The following PPARGC1A variants were observed in gnomAD, a reference collection of about 807,000 sequenced individuals.
The protein encoded by PPARGC1A is peroxisome proliferator-activated receptor gamma coactivator 1-alpha.
PPARGC1A carries 25 observed loss-of-function variants against 88.7 expected under a neutral mutation model. That is an observed-to-expected ratio of 0.28 (90% CI 0.21 to 0.39). PPARGC1A has a LOEUF of 0.39. Ranked by LOEUF, PPARGC1A falls within the 10% of genes least tolerant of loss-of-function variation. The pLI is 1.00. For missense variants in PPARGC1A, 880 were observed against 968.7 expected, an observed-to-expected ratio of 0.91 and a Z score of 1.22; for synonymous variants, 363 against 355.6, an observed-to-expected ratio of 1.02 and a Z score of -0.24.
At chr4:23,872,934 G>A (rs1254783906) in intron 2 of PPARGC1A, among the ~76,000 whole-genome samples, 1 of 152,092 alleles carries the variant, frequency 6.6e-6, no homozygotes, top group East Asian at 1.9e-4. Context: ...GCTCACACCT[G>A]TAATCCCGCA....
the PPARGC1A span, among the ~76,000 whole-genome samples, chr4:24,164,356 A>T: frequency 1.3e-5 from 2 of 152,286 alleles, no homozygotes; most frequent in South Asian, 4.1e-4. Context: ...AAGCAGCACA[A>T]ACACAGCAGC....
At chr4:24,423,759 C>T in the PPARGC1A span, among the ~76,000 whole-genome samples, 1 of 152,152 alleles carries the variant, frequency 6.6e-6, no homozygotes, top group East Asian at 1.9e-4. Context: ...CCAACTGAGG[C>T]TGTAAAAGCA....
chr4:23,827,429 G>GA (rs113493263), intron 5 of PPARGC1A, among the ~76,000 whole-genome samples: 22 of 142,010 alleles, frequency 1.5e-4, no homozygotes, highest in South Asian at 6.7e-4. Context: ...AAATGAAAGT[G>GA]AAAAAAAAAA....
At chr4:24,017,472 T>C in the PPARGC1A span, among the ~76,000 whole-genome samples, 51 of 151,854 alleles carry the variant, frequency 3.4e-4, no homozygotes, top group Non-Finnish European at 1.5e-5. Flanking sequence ...TTGTACATAA[T>C]AGTGTACACC....
the PPARGC1A span, among the ~76,000 whole-genome samples, chr4:24,131,490 C>T: frequency 2.0e-4 from 31 of 152,142 alleles, no homozygotes; most frequent in African/African-American, 5.3e-4. Flanking sequence ...AGTAACTACA[C>T]GGCAAGATGG....
intron 5 of PPARGC1A, among the ~76,000 whole-genome samples, chr4:23,826,680 C>G (rs1326930338): frequency 6.6e-6 from 1 of 152,092 alleles, no homozygotes; most frequent in Non-Finnish European, 1.5e-5. Flanking sequence ...AGCCATGTTT[C>G]ATTTCTTTTA....
At chr4:23,958,687 T>C in the PPARGC1A span, among the ~76,000 whole-genome samples, 6 of 152,204 alleles carry the variant, frequency 3.9e-5, 1 homozygote, top group African/African-American at 1.2e-4. Context: ...AAATATCTAA[T>C]GTAAAATATT....
rs1019906922 is a variant in PPARGC1A at position 23,844,903 on chromosome 4, G to C, written c.235-13152C>G. Reference sequence around the variant, plus strand: ...ACACACACACACATACATACAGAAAGAGAAAAAAAGAGGTAGCATTTGGAG... The same window carrying C: ...ACACACACACACATACATACAGAAACAGAAAAAAAGAGGTAGCATTTGGAG... On this transcript the variant is annotated intron_variant, in intron 2 of 12. Transcript: ENST00000264867. 4.8e-4 allele frequency among the ~76,000 whole-genome samples: 65 copies of C among 136,282 alleles called. 1 individual carries two copies. The highest frequency in any genetic ancestry group is 1.8e-3 in the African/African-American group (64 of 36,500). The allele number at this position is 136,282 out of a possible 152,430, so 89.4% of individuals were successfully genotyped here.
At chr4:24,083,846 C>G in the PPARGC1A span, among the ~76,000 whole-genome samples, 1 of 152,194 alleles carries the variant, frequency 6.6e-6, no homozygotes, top group Non-Finnish European at 1.5e-5. Context: ...AACTCAAGGG[C>G]AGCGTCTGCA....
the PPARGC1A span, among the ~76,000 whole-genome samples, chr4:24,229,843 C>A: frequency 3.5e-3 from 462 of 130,590 alleles, no homozygotes; most frequent in Non-Finnish European, 4.0e-3. Flanking sequence ...AAAACTGTCT[C>A]AAAAAAAAAA....
the PPARGC1A span, among the ~76,000 whole-genome samples, chr4:24,096,461 A>G: frequency 2.0e-5 from 3 of 152,310 alleles, no homozygotes; most frequent in Admixed American, 2.0e-4. Flanking sequence ...GAGACAATAC[A>G]TTTCTGTTGT....
At chr4:23,981,438 C>A in the PPARGC1A span, among the ~76,000 whole-genome samples, 1 of 152,082 alleles carries the variant, frequency 6.6e-6, no homozygotes, top group Non-Finnish European at 1.5e-5. Flanking sequence ...GATACAATTG[C>A]CATAGAGATC....
chr4:24,430,322 G>A, the PPARGC1A span, among the ~76,000 whole-genome samples: 1 of 141,440 alleles, frequency 7.1e-6, no homozygotes, highest in South Asian at 2.2e-4. Flanking sequence ...GCAGTGGCGC[G>A]ATCTCAGCTC....
chr4:24,161,650 C>A, the PPARGC1A span, among the ~76,000 whole-genome samples: 14 of 152,208 alleles, frequency 9.2e-5, no homozygotes, highest in Non-Finnish European at 1.8e-4. Context: ...GTTTTCATTT[C>A]ATTGAAGATA....
chr4:24,347,039 G>A, the PPARGC1A span, among the ~76,000 whole-genome samples: 1 of 152,078 alleles, frequency 6.6e-6, no homozygotes, highest in Non-Finnish European at 1.5e-5. Flanking sequence ...TCAGTCCAGA[G>A]TAGGTTATTT....
the PPARGC1A span, among the ~76,000 whole-genome samples, chr4:24,087,347 C>T: frequency 5.9e-5 from 9 of 152,276 alleles, no homozygotes; most frequent in East Asian, 1.5e-3. Flanking sequence ...CACCAGGCTC[C>T]GTGATACACC....
the PPARGC1A span, among the ~76,000 whole-genome samples, chr4:24,127,559 G>A: frequency 5.3e-5 from 8 of 151,996 alleles, no homozygotes; most frequent in East Asian, 5.8e-4. Context: ...ACGTGCGCGC[G>A]TGTGGATATA....
At chr4:24,187,531 C>T in the PPARGC1A span, among the ~76,000 whole-genome samples, 1 of 152,192 alleles carries the variant, frequency 6.6e-6, no homozygotes, top group African/African-American at 2.4e-5. Flanking sequence ...AACTGTTTAA[C>T]TTAACCTGGC....
At chr4:23,831,157 T>C (rs1724931751) in intron 3 of PPARGC1A, among the ~76,000 whole-genome samples, 1 of 152,190 alleles carries the variant, frequency 6.6e-6, no homozygotes, top group Non-Finnish European at 1.5e-5. Flanking sequence ...TGTATTTAAA[T>C]TTGAACCCAT....
Sources: allele counts gnomAD v4.1 joint callset (sites outside exome capture counted in the v4.1 genomes callset), GRCh38; gene constraint gnomAD v4.1.1; transcripts MANE v1.5; gene names NCBI Gene and HGNC (gene_info 2026-07-23, HGNC 2026-07-21).